Variants in FERMT2 observed in about 807,000 individuals in gnomAD.
FERMT2 encodes fermitin family homolog 2.
FERMT2 carries 15 observed loss-of-function variants against 82.7 expected under a neutral mutation model. The ratio of observed to expected loss-of-function variants is 0.18; its 90% confidence interval spans 0.12 to 0.28. FERMT2 has a LOEUF of 0.28. FERMT2 is among the 10% of genes least tolerant of loss of function. The probability of loss-of-function intolerance (pLI) is 1.00; values close to 1 mark genes in which losing one functional copy is unlikely to be tolerated. For synonymous variants in FERMT2, 274 were observed against 271.5 expected (o/e 1.01, Z -0.09); for missense variants, 645 against 809.4 (o/e 0.80, Z 2.46).
chr14:52,864,590 G>A lies in FERMT2; in HGVS notation c.1413C>T (p.Cys471=), dbSNP rs1187845262. The A allele has an allele frequency of 6.2e-7, 1 of 1,614,154 alleles. No homozygotes were observed. The highest frequency in any genetic ancestry group is 8.5e-7 in the Non-Finnish European group (1 of 1,180,002). Residue 471 remains cysteine, a synonymous_variant, in exon 12 of 15, where the codon TGC becomes TGT. Transcript: ENST00000341590. ...EKQYAHWMAA[C]RLASKGKTMA... ...TGGTCTTGCCTTTGGAGGCTAATCTGCAGGCTGCCATCCAGTGTGCATACT... is the reference window on the plus strand; with the variant it reads ...TGGTCTTGCCTTTGGAGGCTAATCTACAGGCTGCCATCCAGTGTGCATACT...
chr14:52,872,757 G>A (rs756512876), intron 10 of FERMT2, 42 bp downstream of exon 10: 2 of 1,606,916 alleles, frequency 1.2e-6, no homozygotes, highest in Non-Finnish European at 1.7e-6. Flanking sequence ...TAGGCCAATG[G>A]GGATGCCACC....
At chr14:52,898,321 A>G (rs1412841820) in intron 3 of FERMT2, among the ~76,000 whole-genome samples, 1 of 152,194 alleles carries the variant, frequency 6.6e-6, no homozygotes, top group Non-Finnish European at 1.5e-5. Flanking sequence ...TTTTTCAGCT[A>G]AAGTTACACA....
intron 2 of FERMT2, among the ~76,000 whole-genome samples, chr14:52,931,750 C>T (rs139233760): frequency 4.4e-3 from 677 of 152,306 alleles, no homozygotes; most frequent in Non-Finnish European, 7.4e-3. Context: ...TTAAAAGGGG[C>T]GGGCGCGGTG....
chr14:52,879,765 G>A (rs1886182845), intron 6 of FERMT2, among the ~76,000 whole-genome samples: 1 of 152,108 alleles, frequency 6.6e-6, no homozygotes, highest in African/African-American at 2.4e-5. Flanking sequence ...GCCAAGAGAG[G>A]TTTCTTTCCC....
intron 12 of FERMT2, chr14:52,860,735 C>T (rs1409055705): frequency 1.8e-6 from 1 of 558,920 alleles, no homozygotes; most frequent in Non-Finnish European, 3.1e-6. Context: ...ATTCCAAATG[C>T]ATACACCTAA....
At chr14:52,941,135 T>C (rs1890071013) in intron 2 of FERMT2, among the ~76,000 whole-genome samples, 1 of 152,168 alleles carries the variant, frequency 6.6e-6, no homozygotes. Flanking sequence ...TACTACTCAG[T>C]GATAAAAAAC....
Position 52,949,939 on chromosome 14 carries a change from C to T in FERMT2, c.157+473G>A, listed in dbSNP as rs552358355. 2.6e-5 allele frequency among the ~76,000 whole-genome samples: 4 copies of T among 152,286 alleles called. 1 individual carries two copies. The South Asian group carries it at 8.3e-4, about 32-fold the overall frequency. ...GTAGAACAGCCACAGAAACTTCACACTGGCGCCAGTAGTTGCACATTTTCC... is the reference window on the plus strand; with the variant it reads ...GTAGAACAGCCACAGAAACTTCACATTGGCGCCAGTAGTTGCACATTTTCC... On this transcript the variant is annotated intron_variant, in intron 2 of 14. Coordinates refer to ENST00000341590, the MANE Select transcript of FERMT2 (RefSeq NM_006832.3).
chr14:52,932,474 C>G (rs1889635493), intron 2 of FERMT2, among the ~76,000 whole-genome samples: 1 of 152,144 alleles, frequency 6.6e-6, no homozygotes, highest in Admixed American at 6.5e-5. Context: ...ATGGCAACCA[C>G]AGACAAACTC....
intron 3 of FERMT2, among the ~76,000 whole-genome samples, chr14:52,896,816 C>A (rs556210546): frequency 7.2e-5 from 11 of 152,080 alleles, no homozygotes; most frequent in Non-Finnish European, 1.5e-4. Flanking sequence ...CTAGGAAGAC[C>A]TTTTCTCTAC....
At chr14:52,920,153 A>G (rs906489770) in intron 2 of FERMT2, among the ~76,000 whole-genome samples, 1 of 152,248 alleles carries the variant, frequency 6.6e-6, no homozygotes, top group Non-Finnish European at 1.5e-5. Flanking sequence ...GGTCGTAACA[A>G]TAAACTTGTA....
intron 10 of FERMT2, among the ~76,000 whole-genome samples, chr14:52,867,563 G>A (rs1410244810): frequency 6.6e-6 from 1 of 151,398 alleles, no homozygotes; most frequent in Non-Finnish European, 1.5e-5. Context: ...TCTTCATCTT[G>A]TCTTCTCACA....
At chr14:52,943,416 C>T (rs1450070779) in intron 2 of FERMT2, among the ~76,000 whole-genome samples, 1 of 152,058 alleles carries the variant, frequency 6.6e-6, no homozygotes, top group Non-Finnish European at 1.5e-5. Flanking sequence ...TAGCTCCACA[C>T]TTGGTGGCTG....
At chr14:52,878,499 G>A in intron 7 of FERMT2, 83 bp downstream of exon 7, 1 of 832,802 alleles carries the variant, frequency 1.2e-6, no homozygotes, top group Non-Finnish European at 1.9e-6. Flanking sequence ...AATGTTACTG[G>A]AATTACTATT....
chr14:52,919,711 C>T (rs1041900905), intron 2 of FERMT2, among the ~76,000 whole-genome samples: 2 of 152,134 alleles, frequency 1.3e-5, no homozygotes, highest in African/African-American at 2.4e-5. Flanking sequence ...GCTTGGAACT[C>T]GTCCTATAGG....
intron 14 of FERMT2, 89 bp downstream of exon 14, chr14:52,859,484 A>C: frequency 7.6e-6 from 9 of 1,189,874 alleles, no homozygotes; most frequent in Non-Finnish European, 1.0e-5. Flanking sequence ...GGTACAAATA[A>C]TCATCAGAAT....
chr14:52,902,203 G>A (rs1252473397), intron 3 of FERMT2, among the ~76,000 whole-genome samples: 2 of 152,062 alleles, frequency 1.3e-5, no homozygotes, highest in East Asian at 3.9e-4. Flanking sequence ...GATCAGCCTG[G>A]CCAACATGGT....
At chr14:52,873,887 G>A (rs1885788594) in intron 9 of FERMT2, among the ~76,000 whole-genome samples, 1 of 152,036 alleles carries the variant, frequency 6.6e-6, no homozygotes, top group South Asian at 2.1e-4. Context: ...AGGCCCGGAG[G>A]GGCTGTGCCA....
At chr14:52,912,380 T>C (rs979775690) in intron 3 of FERMT2, among the ~76,000 whole-genome samples, 2 of 152,210 alleles carry the variant, frequency 1.3e-5, no homozygotes, top group Non-Finnish European at 2.9e-5. Context: ...TGTCAAAATA[T>C]TATGTAAATT....
chr14:52,927,696 G>T (rs1354287664), intron 2 of FERMT2, among the ~76,000 whole-genome samples: 1 of 151,228 alleles, frequency 6.6e-6, no homozygotes, highest in Admixed American at 6.6e-5. Flanking sequence ...TTGACTCTGG[G>T]TGGTCAAGGT....
Sources: gnomAD v4.1 joint callset for allele counts (sites outside exome capture counted in the v4.1 genomes callset) on GRCh38, gnomAD v4.1.1 for gene constraint, MANE v1.5 for transcripts, NCBI Gene and HGNC (gene_info 2026-07-23, HGNC 2026-07-21) for gene names.